Variants in LRP6 observed in about 807,000 individuals in gnomAD.
LRP6 encodes LDL receptor related protein 6, also known as low-density lipoprotein receptor-related protein 6.
LRP6 carries 43 observed loss-of-function variants against 184.1 expected under a neutral mutation model. The ratio of observed to expected loss-of-function variants is 0.23; its 90% CI spans 0.18 to 0.30. LRP6 has a LOEUF of 0.30. LRP6 is among the 10% of genes least tolerant of loss of function. The pLI, the probability that LRP6 is intolerant of heterozygous loss-of-function variation, is 1.00. For missense variants in LRP6, 1,571 were observed against 2,005.3 expected, an observed-to-expected ratio of 0.78 and a Z score of 4.14; for synonymous variants, 719 against 684.9, an observed-to-expected ratio of 1.05 and a Z score of -0.78.
chr12:12,230,996 T>C (rs1165211255), intron 2 of LRP6, among the ~76,000 whole-genome samples: 3 of 151,116 alleles, frequency 2.0e-5, no homozygotes, highest in Non-Finnish European at 3.0e-5. Context: ...GCCTGGCCAA[T>C]ATGGTAAAAC....
rs1487728635 is a variant in LRP6, at chr12:12,120,075, T to C, written c.*1051A>G. 7.6e-6 allele frequency: 1 copy of C among 131,754 alleles called. No homozygotes were observed. The highest frequency in any genetic ancestry group is 2.3e-4 in the East Asian group (1 of 4,380). The allele number at this position is 131,754 out of a possible 1,614,324, so 8.2% of individuals were successfully genotyped here. On this transcript the variant is annotated 3_prime_UTR_variant, in exon 23 of 23. Coordinates refer to ENST00000261349, the MANE Select transcript of LRP6 (RefSeq NM_002336.3). ...TTCGTACTGTGATATATGCTGAAAG[T>C]AGTGCAAGGATATGAGATTTACAAC...
chr12:12,124,726 A>T, intron 21 of LRP6, 64 bp from the exon 22 acceptor site: 1 of 1,045,858 alleles, frequency 9.6e-7, no homozygotes, highest in South Asian at 1.4e-5. Flanking sequence ...CTTTCTTTCA[A>T]CTTTTCTTCC....
intron 2 of LRP6, 29 bp from the exon 3 acceptor site, chr12:12,203,429 T>C (rs754271385): frequency 1.9e-6 from 3 of 1,544,048 alleles, no homozygotes; most frequent in Admixed American, 1.7e-5. Context: ...ATTAAAGCCA[T>C]GACAGAGCAG....
At chr12:12,173,560 C>G (rs1440189173) in intron 7 of LRP6, among the ~76,000 whole-genome samples, 1 of 152,060 alleles carries the variant, frequency 6.6e-6, no homozygotes, top group Admixed American at 6.6e-5. Flanking sequence ...CCAGGCTTGT[C>G]TCAAACTCCT....
chr12:12,254,143 C>CAAAAAAAAAA (rs34210761), intron 1 of LRP6, among the ~76,000 whole-genome samples: 21 of 74,236 alleles, frequency 2.8e-4, no homozygotes, highest in Non-Finnish European at 4.0e-4. Flanking sequence ...GACTCTGTCT[C>CAAAAAAAAAA]AAAAAAAAAA....
chr12:12,220,740 A>T (rs1864465961), intron 2 of LRP6, among the ~76,000 whole-genome samples: 1 of 151,938 alleles, frequency 6.6e-6, no homozygotes. Flanking sequence ...ATGGGAGCAT[A>T]GGAGTGCGCC....
rs1204534247 is a variant in LRP6 at position 12,116,347 on chromosome 12, T to A, written c.*4779A>T. On this transcript the variant is annotated 3_prime_UTR_variant, in exon 23 of 23. Coordinates refer to ENST00000261349, the MANE Select transcript of LRP6 (RefSeq NM_002336.3). ...ATAAACATCTGAAAGCAGCACCAGA[T>A]CCTTCACTTGCAAATAAGGCTAGTC... 2.0e-5 allele frequency: 3 copies of A among 152,210 alleles called. No homozygotes were observed. The highest frequency in any genetic ancestry group is 7.2e-5 in the African/African-American group (3 of 41,444). The allele number at this position is 152,210 out of a possible 1,614,324, so 9.4% of individuals were successfully genotyped here.
intron 15 of LRP6, among the ~76,000 whole-genome samples, chr12:12,146,375 G>A (rs924666225): frequency 5.9e-5 from 9 of 152,242 alleles, no homozygotes; most frequent in African/African-American, 1.7e-4. Context: ...AATAATCAAC[G>A]TTAACATATT....
chr12:12,168,913 A>T (rs1862955911), intron 7 of LRP6, among the ~76,000 whole-genome samples: 1 of 152,106 alleles, frequency 6.6e-6, no homozygotes, highest in Non-Finnish European at 1.5e-5. Context: ...CACTATTTAT[A>T]GCCAAACATG....
intron 15 of LRP6, among the ~76,000 whole-genome samples, chr12:12,139,394 T>C (rs896891658): frequency 2.0e-5 from 3 of 152,190 alleles, no homozygotes; most frequent in Non-Finnish European, 4.4e-5. Context: ...AGTTTACTTA[T>C]ATATTCTCTC....
intron 2 of LRP6, among the ~76,000 whole-genome samples, chr12:12,235,774 G>C (rs192974640): frequency 6.6e-6 from 1 of 151,938 alleles, no homozygotes; most frequent in African/African-American, 2.4e-5. Flanking sequence ...GTAGCAAAGA[G>C]CATACCTAGT....
chr12:12,198,093 A>AT (rs1483469118), intron 3 of LRP6, among the ~76,000 whole-genome samples: 1 of 152,150 alleles, frequency 6.6e-6, no homozygotes, highest in Non-Finnish European at 1.5e-5. Context: ...TAATTTTTGT[A>AT]TTTTTTGTAG....
Position 12,121,423 on chromosome 12 carries a change from G to A in LRP6, c.4548-3C>T. On this transcript the variant is annotated splice_region_variant and splice_polypyrimidine_tract_variant and intron_variant, in intron 22 of 22. Coordinates refer to ENST00000261349, the MANE Select transcript of LRP6 (RefSeq NM_002336.3). The stretch of plus-strand genomic sequence containing the variant: ...GCCGGTAGCTATATGGCCTGTAGCT[G>A]GTATAGGGAGAAAATAAAGAGAAGC... The A allele has an allele frequency of 6.2e-7, 1 of 1,613,352 alleles. No homozygotes were observed. The highest frequency in any genetic ancestry group is 8.5e-7 in the Non-Finnish European group (1 of 1,179,470).
chr12:12,238,918 T>G (rs532105231), intron 2 of LRP6, among the ~76,000 whole-genome samples: 91 of 152,094 alleles, frequency 6.0e-4, no homozygotes, highest in African/African-American at 2.2e-3. Context: ...TTAAAGTAAT[T>G]CAACTCGTAA....
intron 7 of LRP6, among the ~76,000 whole-genome samples, chr12:12,173,399 G>A (rs991484949): frequency 6.6e-5 from 10 of 152,192 alleles, no homozygotes; most frequent in African/African-American, 2.4e-4. Flanking sequence ...CTAGAGTTCA[G>A]TGGCATGATC....
intron 9 of LRP6, 125 bp from the exon 10 acceptor site, chr12:12,162,544 T>C (rs1300670996): frequency 1.3e-6 from 1 of 764,284 alleles, no homozygotes; most frequent in Non-Finnish European, 2.3e-6. Flanking sequence ...TACTATTTCC[T>C]ATTAAAATTC....
intron 7 of LRP6, among the ~76,000 whole-genome samples, chr12:12,179,195 T>C (rs1236146151): frequency 6.6e-6 from 1 of 152,190 alleles, no homozygotes; most frequent in Non-Finnish European, 1.5e-5. Flanking sequence ...TCTATTTGAT[T>C]GCCACAAACT....
At chr12:12,182,979 A>G (rs992099607) in intron 5 of LRP6, among the ~76,000 whole-genome samples, 4 of 152,238 alleles carry the variant, frequency 2.6e-5, no homozygotes, top group African/African-American at 7.2e-5. Context: ...CTACATTTTT[A>G]AAGAAAAAAG....
intron 8 of LRP6, 130 bp from the exon 9 acceptor site, chr12:12,164,692 G>T: frequency 1.2e-6 from 1 of 815,570 alleles, no homozygotes; most frequent in East Asian, 2.6e-5. Flanking sequence ...CCAATCTCAA[G>T]TTTCAATTCT....
Sources: gnomAD v4.1 joint callset for allele counts (sites outside exome capture counted in the v4.1 genomes callset) on GRCh38, gnomAD v4.1.1 for gene constraint, MANE v1.5 for transcripts, NCBI Gene and HGNC (gene_info 2026-07-23, HGNC 2026-07-21) for gene names.